TBX3: variants seen among roughly 807,000 people sequenced by gnomAD.
TBX3 encodes T-box transcription factor 3, also known as T-box transcription factor TBX3.
In TBX3, 11 loss-of-function variants were observed where a neutral mutation model predicts 47.8. That is an observed-to-expected ratio of 0.23 (90% CI 0.14 to 0.38). The LOEUF is 0.38. TBX3 is among the 10% of genes least tolerant of loss of function. The probability of loss-of-function intolerance (pLI) is 1.00; values close to 1 mark genes in which losing one functional copy is unlikely to be tolerated. For synonymous variants in TBX3, 500 were observed against 449.3 expected, an observed-to-expected ratio of 1.11 and a Z score of -1.43; for missense variants, 927 against 1,022.8, an observed-to-expected ratio of 0.91 and a Z score of 1.28.
intron 4 of TBX3, among the ~76,000 whole-genome samples, chr12:114,677,171 A>G (rs1014783892): frequency 3.3e-5 from 5 of 152,210 alleles, no homozygotes; most frequent in Admixed American, 1.3e-4. Flanking sequence ...GGAGGGAGAG[A>G]GCCATACATC....
rs750554520 is a variant in TBX3, at chr12:114,672,126, G to T, written c.1887C>A (p.Val629=). Residue 629 remains valine, a synonymous_variant, in exon 7 of 7, where the codon GTC becomes GTA. Transcript: ENST00000349155. Reference sequence around the variant, plus strand: ...TGGTGAGCAGACTGCTGCCGTCCGGGACCGGCACCGGGATGGAGTAGGGGC... The same window carrying T: ...TGGTGAGCAGACTGCTGCCGTCCGGTACCGGCACCGGGATGGAGTAGGGGC... ...RYSPYSIPVP[V]PDGSSLLTTA... is the part of the protein sequence containing the mutation. The T allele has an allele frequency of 6.4e-7, 1 of 1,570,842 alleles. No homozygotes were observed. Among genetic ancestry groups the T allele is most frequent in the South Asian group, 1.2e-5 (1 of 85,606 alleles).
Position 114,682,923 on chromosome 12 carries a change from A to G in TBX3, c.278T>C (p.Met93Thr). 1 of 1,614,016 alleles carries G rather than the reference A, an allele frequency of 6.2e-7. No individual in the cohort carries two copies. The highest frequency in any genetic ancestry group is 8.5e-7 in the Non-Finnish European group (1 of 1,180,000). Residue 93 changes from methionine (M) to threonine (T), a missense_variant, in exon 1 of 7, where the codon ATG (methionine) becomes ACG (threonine). Transcript: ENST00000349155. ...PQAHLRPLKT[M>T]EPEEEVEDDP... ...GTCCTCCACCTCTTCTTCGGGCTCCATGGTCTTCAAAGGCCTCAGATGCGC... is the reference window on the plus strand; with the variant it reads ...GTCCTCCACCTCTTCTTCGGGCTCCGTGGTCTTCAAAGGCCTCAGATGCGC...
Position 114,679,574 on chromosome 12 carries a change from A to G in TBX3, c.735T>C (p.Tyr245=), listed in dbSNP as rs760941951. The change falls in exon 3 of 7, where the codon TAT becomes TAC. Residue 245 remains tyrosine (Y), a synonymous_variant. Coordinates refer to ENST00000349155, the MANE Select transcript of TBX3 (RefSeq NM_005996.4). ...GGAACAAGTATGTCCGAAATGTACT[A>G]TAAGGGAGTTTCAAGATGTCATTGG... The part of the protein sequence containing the change: ...VRANDILKLP[Y]STFRTYLFPE... 6.2e-7 allele frequency: 1 copy of G among 1,614,182 alleles called. No individual in the cohort carries two copies. Among genetic ancestry groups the G allele is most frequent in the Non-Finnish European group, 8.5e-7 (1 of 1,180,036 alleles).
rs886049017 is a variant in TBX3 at position 114,683,578 on chromosome 12, A to T, written c.-378T>A. ...CCCTGCCGCTGAGCTCGAAATAGACACTCCAGCCCTGCGTCCCAGGAATCT... is the reference window on the plus strand; with the variant it reads ...CCCTGCCGCTGAGCTCGAAATAGACTCTCCAGCCCTGCGTCCCAGGAATCT... On this transcript the variant is annotated 5_prime_UTR_variant, in exon 1 of 7. Coordinates refer to ENST00000349155, the MANE Select transcript of TBX3 (RefSeq NM_005996.4). The surrounding 1 kb of genome is among the most constrained non-coding windows in gnomAD (Gnocchi z 7.7). The T allele has an allele frequency of 5.5e-5, 15 of 272,966 alleles. No homozygotes were observed. Among genetic ancestry groups the T allele is most frequent in the Middle Eastern group, 2.1e-3 (2 of 962 alleles). 16.9% of individuals were successfully genotyped at this position (272,966 alleles called of 1,614,324 possible). A position where few individuals can be genotyped will look rare whatever the true frequency, so the allele number is the denominator to read the frequency against.
chr12:114,672,439 T>G (rs1472918882), intron 6 of TBX3, 137 bp from the exon 7 acceptor site: 11 of 480,702 alleles, frequency 2.3e-5, no homozygotes, highest in African/African-American at 2.0e-4. Flanking sequence ...TTGTTGTGTT[T>G]TTTTTTTTGG....
chr12:114,676,302 A>G lies in TBX3; in HGVS notation c.1039+11T>C. ...CTGGAGTCCAGTGATCACAAAGGTGACATGGTTTACCTTTGAGGTTCGATG... is the reference window on the plus strand; with the variant it reads ...CTGGAGTCCAGTGATCACAAAGGTGGCATGGTTTACCTTTGAGGTTCGATG... On this transcript the variant is annotated intron_variant, in intron 5 of 6. Transcript: ENST00000349155. 1 of 1,613,342 alleles carries G rather than the reference A, an allele frequency of 6.2e-7. No homozygotes were observed. The highest frequency in any genetic ancestry group is 8.5e-7 in the Non-Finnish European group (1 of 1,180,002).
At chr12:114,682,529 T>C (rs1406593363) in intron 1 of TBX3, among the ~76,000 whole-genome samples, 1 of 152,032 alleles carries the variant, frequency 6.6e-6, no homozygotes, top group Non-Finnish European at 1.5e-5. Context: ...TTTTTTTTTT[T>C]CTTTCCTGCT....
chr12:114,675,778 C>G (rs531627339), intron 5 of TBX3, among the ~76,000 whole-genome samples: 5 of 151,224 alleles, frequency 3.3e-5, no homozygotes, highest in Non-Finnish European at 7.4e-5. Context: ...CTACCCCCAC[C>G]GCAGATCCCC....
chr12:114,677,685 G>A (rs1276246724), intron 3 of TBX3, 29 bp from the exon 4 acceptor site: 6 of 1,601,820 alleles, frequency 3.7e-6, no homozygotes, highest in Non-Finnish European at 5.1e-6. Flanking sequence ...GCAAGACAGA[G>A]ACATTGTTCT....
At position 114,672,278 on chromosome 12, in the gene TBX3, T is replaced by C. The variant is rs749188927; in HGVS notation, c.1735A>G (p.Ser579Gly). 1 of 1,571,166 alleles carries C rather than the reference T, an allele frequency of 6.4e-7. No homozygotes were observed. The highest frequency in any genetic ancestry group is 1.2e-5 in the South Asian group (1 of 85,540). The change falls in exon 7 of 7, where the codon AGC (serine) becomes GGC (glycine). Residue 579 changes from serine to glycine, a missense_variant. Physicochemically the swap from Ser to Gly is moderately conservative, Grantham distance 56 (BLOSUM62 0). Transcript: ENST00000349155. ...SQGLAMSPFG[S>G]LFPYPYTYMA... ...TACGTGTAGGGGTAAGGGAACAGGC[T>C]TCCGAAAGGGGACATGGCCAGGCCC...
In TBX3 at chr12:114,671,757, G is replaced by A. The variant is rs1435064675; in HGVS notation, c.*84C>T. 7.9e-6 allele frequency: 12 copies of A among 1,515,006 alleles called. No individual in the cohort carries two copies. In the South Asian group the frequency reaches 1.5e-4, roughly 18 times the overall value. 93.8% of individuals were successfully genotyped at this position (1,515,006 alleles called of 1,614,324 possible). A position where few individuals can be genotyped will look rare whatever the true frequency, so the allele number is the denominator to read the frequency against. On this transcript the variant is annotated 3_prime_UTR_variant, in exon 7 of 7. Transcript: ENST00000349155. The stretch of plus-strand genomic sequence containing the variant: ...TGCAAAAGGAAGGGCTAACGCCATG[G>A]CGGGCCCGTGGTTTATTTTATATCC...
intron 4 of TBX3, among the ~76,000 whole-genome samples, chr12:114,676,726 G>A (rs1356488150): frequency 2.0e-5 from 3 of 152,234 alleles, no homozygotes; most frequent in African/African-American, 7.2e-5. Flanking sequence ...ATTTATTCAA[G>A]ATGGGGTTTC....
chr12:114,673,145 GC>G (rs1331598361), intron 6 of TBX3, among the ~76,000 whole-genome samples: 2 of 152,218 alleles, frequency 1.3e-5, no homozygotes, highest in Admixed American at 1.3e-4. Flanking sequence ...CCAACCACCT[GC>G]CCACCTAGGA....
At chr12:114,677,886 G>A (rs1868774080) in intron 3 of TBX3, among the ~76,000 whole-genome samples, 1 of 152,138 alleles carries the variant, frequency 6.6e-6, no homozygotes, top group South Asian at 2.1e-4. Flanking sequence ...TTTTCTTTGG[G>A]CAGCCAACAG....
At chr12:114,682,376 A>G (rs920125795) in intron 1 of TBX3, among the ~76,000 whole-genome samples, 1 of 152,216 alleles carries the variant, frequency 6.6e-6, no homozygotes, top group Non-Finnish European at 1.5e-5. Context: ...GAATGGTGTC[A>G]GGCCTCCCAA....
chr12:114,680,750 G>A lies in TBX3; in HGVS notation c.657+129C>T, dbSNP rs760973625. The A allele has an allele frequency of 3.0e-4, 398 of 1,345,804 alleles. 1 individual carries two copies. The highest frequency in any genetic ancestry group is 2.0e-3 in the Admixed American group (119 of 59,146). The allele number at this position is 1,345,804 out of a possible 1,614,324, so 83.4% of individuals were successfully genotyped here. ...AACACCCCGAATCCTTTTTCCAGACGAGGACAAGTTTGCTATGCTTAGGGA... is the reference window on the plus strand; with the variant it reads ...AACACCCCGAATCCTTTTTCCAGACAAGGACAAGTTTGCTATGCTTAGGGA... On this transcript the variant is annotated intron_variant, in intron 2 of 6. Transcript: ENST00000349155.
chr12:114,676,292 C>G, intron 5 of TBX3, 21 bp downstream of exon 5: 1 of 1,613,024 alleles, frequency 6.2e-7, no homozygotes, highest in Non-Finnish European at 8.5e-7. Context: ...GTCCAGTGAT[C>G]ACAAAGGTGA....
Position 114,674,480 on chromosome 12 carries a change from C to G in TBX3, c.1395G>C (p.Gln465His), listed in dbSNP as rs1286749643. Residue 465 changes from glutamine (Q) to histidine (H), a missense_variant, in exon 6 of 7, where the codon CAG becomes CAC. Transcript: ENST00000349155. The part of the protein sequence containing the change: ...GKEAFAPLTV[Q>H]TDAAAAHLAQ... ...CCAGGTGCGCGGCGGCCGCGTCCGTCTGCACCGTGAGCGGCGCGAAGGCCT... is the reference window on the plus strand; with the variant it reads ...CCAGGTGCGCGGCGGCCGCGTCCGTGTGCACCGTGAGCGGCGCGAAGGCCT... 3.3e-6 allele frequency: 5 copies of G among 1,534,202 alleles called. No individual in the cohort carries two copies. In the Middle Eastern group the frequency reaches 5.4e-4, roughly 166 times the overall value.
Position 114,676,298 on chromosome 12 carries a change from G to A in TBX3, c.1039+15C>T, listed in dbSNP as rs1430221840. On this transcript the variant is annotated intron_variant, in intron 5 of 6. Coordinates refer to ENST00000349155, the MANE Select transcript of TBX3 (RefSeq NM_005996.4). ...GGGACTGGAGTCCAGTGATCACAAAGGTGACATGGTTTACCTTTGAGGTTC... is the reference window on the plus strand; with the variant it reads ...GGGACTGGAGTCCAGTGATCACAAAAGTGACATGGTTTACCTTTGAGGTTC... 1.2e-6 allele frequency: 2 copies of A among 1,613,038 alleles called. No individual in the cohort carries two copies. The highest frequency in any genetic ancestry group is 1.3e-5 in the African/African-American group (1 of 74,882).
Sources: gnomAD v4.1 joint callset for allele counts (sites outside exome capture counted in the v4.1 genomes callset) on GRCh38, gnomAD v4.1.1 for gene constraint, Gnocchi (gnomAD v3.1) non-coding constraint, MANE v1.5 for transcripts, NCBI Gene and HGNC (gene_info 2026-07-23, HGNC 2026-07-21) for gene names.